Variants in TBXAS1 observed in about 807,000 individuals in gnomAD.
TBXAS1 encodes the protein thromboxane A synthase 1, also known as thromboxane-A synthase.
Under a neutral mutation model 60.7 loss-of-function variants are expected in TBXAS1, and 48 were observed. The observed-to-expected ratio is 0.79, with a 90% CI of 0.63 to 1.01. TBXAS1 has a LOEUF of 1.01. TBXAS1 is among the 50% of genes least tolerant of loss of function. The pLI is 0.00. For missense variants in TBXAS1, 685 were observed against 686.3 expected (o/e 1.00, Z 0.02); for synonymous variants, 287 against 269.7 (o/e 1.06, Z -0.63).
At chr7:139,903,898 G>A (rs528720303) in intron 3 of TBXAS1, among the ~76,000 whole-genome samples, 2 of 151,954 alleles carry the variant, frequency 1.3e-5, no homozygotes, top group South Asian at 2.1e-4. Flanking sequence ...CCTACTCTGC[G>A]GGTTGTCTGT....
At chr7:139,828,210 G>A (rs1408596385), upstream of TBXAS1, among the ~76,000 whole-genome samples, 1 of 151,896 alleles carries the variant, frequency 6.6e-6, no homozygotes, top group Non-Finnish European at 1.5e-5. Flanking sequence ...TGTTGAATTG[G>A]GTTAATTTGA....
chr7:139,905,031 CTTTCTTTCTTTCTTTCTT>C (rs1569511425), intron 3 of TBXAS1, among the ~76,000 whole-genome samples: 7 of 84,900 alleles, frequency 8.2e-5, no homozygotes, highest in African/African-American at 4.1e-4. Context: ...TTCTTTCTTT[CTTTCTTTCTTTCTTTCTT>C]TCTTTCTTTC....
At chr7:139,973,001 G>C (rs1359037943) in intron 9 of TBXAS1, among the ~76,000 whole-genome samples, 1 of 152,092 alleles carries the variant, frequency 6.6e-6, no homozygotes, top group African/African-American at 2.4e-5. Context: ...CAGCGAGAAA[G>C]GGGTCGGTGG....
At chr7:139,791,944 A>G (rs977043762) in intron 4 of TBXAS1, among the ~76,000 whole-genome samples, 1 of 151,916 alleles carries the variant, frequency 6.6e-6, no homozygotes, top group Non-Finnish European at 1.5e-5. Context: ...GTGTTTGTGC[A>G]TCTCCACACT....
intron 3 of TBXAS1, among the ~76,000 whole-genome samples, chr7:139,901,880 T>A (rs1804609987): frequency 1.3e-5 from 2 of 152,010 alleles, no homozygotes; most frequent in Non-Finnish European, 2.9e-5. Flanking sequence ...TTAGTCTTGG[T>A]AGGGAGCTTG....
Position 139,953,656 on chromosome 7 carries a change from G to A in TBXAS1, c.539+200G>A, listed in dbSNP as rs1287860059. ...AGAGATGTGAGCAGAGCCAGGGTAC[G>A]TGCGTCCTGTCGAACCTGTGGATGG... On this transcript the variant is annotated intron_variant, in intron 6 of 12. Coordinates refer to ENST00000448866, the MANE Select transcript of TBXAS1 (RefSeq NM_001061.7). The A allele has an allele frequency of 7.8e-5, 44 of 563,278 alleles. No individual in the cohort carries two copies. The East Asian group carries it at 1.2e-3, about 16-fold the overall frequency. 34.9% of individuals were successfully genotyped at this position (563,278 alleles called of 1,614,324 possible).
chr7:139,919,796 A>T (rs959358390), intron 4 of TBXAS1, among the ~76,000 whole-genome samples: 4 of 152,200 alleles, frequency 2.6e-5, no homozygotes, highest in Non-Finnish European at 2.9e-5. Context: ...TTTCTTCAAT[A>T]ACCTGCTCCT....
chr7:139,864,569 GA>G (rs1235487183), intron 1 of TBXAS1, among the ~76,000 whole-genome samples: 3 of 150,710 alleles, frequency 2.0e-5, no homozygotes, highest in African/African-American at 4.9e-5. Context: ...ATTTGAGTAA[GA>G]AAAAAAGACA....
intron 11 of TBXAS1, 79 bp downstream of exon 11, chr7:140,015,939 G>T: frequency 6.3e-7 from 1 of 1,599,704 alleles, no homozygotes. Flanking sequence ...GGCAGCAGCC[G>T]GGAGGCACAG....
Position 139,785,480 on chromosome 7 carries a change from TG to T in TBXAS1, c.-168-1857del, listed in dbSNP as rs1249696770. ...GGACCCATTGTTTCGTTGTTGTTGT[TG>T]TTGTTGTTTTTTGTGTGATAGCTTT... is the stretch of plus-strand genomic sequence containing the variant. On this transcript the variant is annotated intron_variant, in intron 3 of 16. Transcript: ENST00000336425. 4.6e-3 allele frequency among the ~76,000 whole-genome samples: 682 copies of T among 149,884 alleles called. 2 individuals carry two copies. Among genetic ancestry groups the T allele is most frequent in the African/African-American group, 0.013 (499 of 39,420 alleles).
At chr7:139,865,294 C>T (rs750142868) in intron 1 of TBXAS1, among the ~76,000 whole-genome samples, 47 of 152,290 alleles carry the variant, frequency 3.1e-4, no homozygotes, top group Non-Finnish European at 5.3e-4. Flanking sequence ...CAGTTTCAAT[C>T]CTTACAGTTT....
intron 5 of TBXAS1, among the ~76,000 whole-genome samples, chr7:139,952,295 A>G (rs942690388): frequency 6.6e-6 from 1 of 152,166 alleles, no homozygotes; most frequent in Non-Finnish European, 1.5e-5. Flanking sequence ...TGATTCGTTC[A>G]TTCACTTAAC....
At chr7:139,960,827 C>T (rs1449678042) in intron 8 of TBXAS1, among the ~76,000 whole-genome samples, 2 of 152,022 alleles carry the variant, frequency 1.3e-5, no homozygotes, top group Non-Finnish European at 2.9e-5. Context: ...TGAGAAAATG[C>T]TGCAGCTAGC....
At chr7:139,845,924 G>A (rs1002057395) in intron 1 of TBXAS1, among the ~76,000 whole-genome samples, 8 of 150,770 alleles carry the variant, frequency 5.3e-5, no homozygotes, top group African/African-American at 2.0e-4. Context: ...CCCCAGGCTC[G>A]GGGAATTCTC....
intron 3 of TBXAS1, among the ~76,000 whole-genome samples, chr7:139,889,908 G>A (rs180837805): frequency 5.9e-4 from 90 of 152,270 alleles, no homozygotes; most frequent in African/African-American, 2.0e-3. Context: ...AGGAGACATT[G>A]GGTGCAAGGT....
intron 5 of TBXAS1, 117 bp downstream of exon 5, chr7:139,936,424 T>C: frequency 9.8e-7 from 1 of 1,022,228 alleles, no homozygotes; most frequent in Admixed American, 1.7e-5. Context: ...CAAAATGCCT[T>C]TCCCACTGGG....
At chr7:139,945,837 G>A (rs1808664327) in intron 5 of TBXAS1, among the ~76,000 whole-genome samples, 1 of 152,208 alleles carries the variant, frequency 6.6e-6, no homozygotes, top group Non-Finnish European at 1.5e-5. Context: ...GTGTCTTGGA[G>A]TAGTAGTCAA....
intron 1 of TBXAS1, among the ~76,000 whole-genome samples, chr7:139,850,759 A>G (rs974522195): frequency 1.3e-5 from 2 of 152,204 alleles, no homozygotes; most frequent in African/African-American, 4.8e-5. Context: ...GACGACATGT[A>G]GATATAGTCA....
intron 9 of TBXAS1, among the ~76,000 whole-genome samples, chr7:139,998,260 G>A (rs1813435604): frequency 6.6e-6 from 1 of 152,236 alleles, no homozygotes; most frequent in South Asian, 2.1e-4. Flanking sequence ...AGTGCTGGAA[G>A]GTTCTGTCTT....
Sources: allele counts gnomAD v4.1 joint callset (sites outside exome capture counted in the v4.1 genomes callset), GRCh38; gene constraint gnomAD v4.1.1; transcripts MANE v1.5; gene names NCBI Gene and HGNC (gene_info 2026-07-23, HGNC 2026-07-21).